Variants in TMED4 observed in about 807,000 individuals in gnomAD.
The protein encoded by TMED4 is transmembrane emp24 domain-containing protein 4.
A neutral mutation model predicts 26.5 loss-of-function variants in TMED4; 19 were observed. The observed-to-expected ratio is 0.72, with a 90% CI of 0.50 to 1.05. TMED4 has a LOEUF of 1.05. TMED4 is among the 50% of genes least tolerant of loss of function. The probability of loss-of-function intolerance (pLI) is 0.00; values close to 1 mark genes in which losing one functional copy is unlikely to be tolerated. For synonymous variants in TMED4, 121 were observed against 119.8 expected (o/e 1.01, Z -0.07); for missense variants, 303 against 302.5 (o/e 1.00, Z -0.01).
Position 44,581,586 on chromosome 7 carries a change from G to A in TMED4, c.262-12C>T. On this transcript the variant is annotated splice_polypyrimidine_tract_variant and intron_variant, in intron 2 of 4. Coordinates refer to ENST00000457408, the MANE Select transcript of TMED4 (RefSeq NM_182547.4). ...CGGGACAGCACCACCTGCAACATAT[G>A]TGAGTGAAGGCCCCACCTTTATACC... 5.6e-6 allele frequency: 9 copies of A among 1,614,176 alleles called. No homozygotes were observed. Among genetic ancestry groups the A allele is most frequent in the Non-Finnish European group, 7.6e-6 (9 of 1,180,034 alleles).
rs370105577 is a variant in TMED4, at chr7:44,582,015, C to G, written c.160+32G>C. The stretch of plus-strand genomic sequence containing the variant: ...GCGCCGCCGAGGGCTGAGCTGGGTA[C>G]AAAGGGCCTCCCCACCCTCAGCCCG... On this transcript the variant is annotated intron_variant, in intron 1 of 4. Transcript: ENST00000457408. 906 of 1,540,100 alleles carry G rather than the reference C, an allele frequency of 5.9e-4. 4 individuals are homozygous for G. The highest frequency in any genetic ancestry group is 4.2e-3 in the South Asian group (354 of 85,172).
intron 2 of TMED4, 74 bp downstream of exon 2, chr7:44,581,649 C>T (rs1015606571): frequency 1.2e-6 from 2 of 1,612,822 alleles, no homozygotes; most frequent in African/African-American, 2.7e-5. Flanking sequence ...CCCTTGAGGC[C>T]TCCTCCAGGC....
chr7:44,582,083 A>G lies in TMED4; in HGVS notation c.124T>C (p.Phe42Leu). The change falls in exon 1 of 5, where the codon TTC becomes CTC. Residue 42 changes from phenylalanine to leucine, a missense_variant. By Grantham distance (22) the Phe-to-Leu change is conservative. Coordinates refer to ENST00000457408, the MANE Select transcript of TMED4 (RefSeq NM_182547.4). ...FHIGETEKRC[F>L]IEEIPDETMV... ...GTCTCGTCGGGGATTTCCTCGATGA[A>G]ACAGCGCTTCTCGGTCTCGCCGATG... The G allele has an allele frequency of 6.4e-7, 1 of 1,567,422 alleles. No homozygotes were observed.
chr7:44,579,376 A>G lies in TMED4; in HGVS notation c.*103T>C. 3 of 1,340,250 alleles carry G rather than the reference A, an allele frequency of 2.2e-6. No individual in the cohort carries two copies. Among genetic ancestry groups the G allele is most frequent in the Non-Finnish European group, 3.1e-6 (3 of 978,146 alleles). The allele number at this position is 1,340,250 out of a possible 1,614,324, so 83.0% of individuals were successfully genotyped here. On this transcript the variant is annotated 3_prime_UTR_variant, in exon 5 of 5. Coordinates refer to ENST00000457408, the MANE Select transcript of TMED4 (RefSeq NM_182547.4). Reference sequence around the variant, plus strand: ...TGTGGCCATGGAACCAATGTGACTTATTCTTTTTCATTTTTTTCCCTAAAA... The same window carrying G: ...TGTGGCCATGGAACCAATGTGACTTGTTCTTTTTCATTTTTTTCCCTAAAA...
In TMED4 at chr7:44,581,728, C is replaced by T. The variant is rs754356895; in HGVS notation, c.256G>A (p.Gly86Ser). Residue 86 changes from glycine to serine, a missense_variant, in exon 2 of 5, where the codon GGC (glycine) becomes AGC (serine). Coordinates refer to ENST00000457408, the MANE Select transcript of TMED4 (RefSeq NM_182547.4). ...TGGGCCAACGCCAGCCTTACCTTGC[C>T]GTCGGGGTCCTTCACTTCCACGTGC... ...GMHVEVKDPD[G>S]KVVLSRQYGS... The T allele has an allele frequency of 1.9e-6, 3 of 1,614,084 alleles. No homozygotes were observed. The highest frequency in any genetic ancestry group is 3.3e-5 in the Admixed American group (2 of 60,016).
rs1218671842 is a variant in TMED4 at position 44,581,766 on chromosome 7, G to A, written c.218C>T (p.Pro73Leu). ...KQKEVFLPST[P>L]GLGMHVEVKD... ...CACTTCCACGTGCATGCCCAGGCCA[G>A]GGGTCGAGGGCAGGAAGACCTCCTT... The change falls in exon 2 of 5, where the codon CCT (proline) becomes CTT (leucine). Residue 73 changes from proline to leucine, a missense_variant. Coordinates refer to ENST00000457408, the MANE Select transcript of TMED4 (RefSeq NM_182547.4). 3.7e-6 allele frequency: 6 copies of A among 1,614,108 alleles called. No individual in the cohort carries two copies. In the East Asian group the frequency reaches 8.9e-5, roughly 24 times the overall value.
Position 44,579,335 on chromosome 7 carries a change from G to T in TMED4, c.*144C>A. On this transcript the variant is annotated 3_prime_UTR_variant, in exon 5 of 5. Transcript: ENST00000457408. ...CCTTAAGAACCAGGGTCAGCAAGTG[G>T]CTGATCTGAATGGTTTGTGGCCATG... 1.2e-6 allele frequency: 1 copy of T among 811,930 alleles called. No homozygotes were observed. Among genetic ancestry groups the T allele is most frequent in the Non-Finnish European group, 1.9e-6 (1 of 533,478 alleles). 50.3% of individuals were successfully genotyped at this position (811,930 alleles called of 1,614,324 possible).
In TMED4 at chr7:44,579,092, G is replaced by A; in HGVS notation, c.*387C>T. 1 of 166,898 alleles carries A rather than the reference G, an allele frequency of 6.0e-6. No individual in the cohort carries two copies. Among genetic ancestry groups the A allele is most frequent in the Non-Finnish European group, 1.3e-5 (1 of 76,702 alleles). The allele number at this position is 166,898 out of a possible 1,614,324, so 10.3% of individuals were successfully genotyped here. A position where few individuals can be genotyped will look rare whatever the true frequency, so the allele number is the denominator to read the frequency against. On this transcript the variant is annotated 3_prime_UTR_variant, in exon 5 of 5. Transcript: ENST00000457408. Reference sequence around the variant, plus strand: ...TGAACCCAGAACTGACCAGCAGACAGTGAGGCAGGGCCTGCTCTGTGGCAC... The same window carrying A: ...TGAACCCAGAACTGACCAGCAGACAATGAGGCAGGGCCTGCTCTGTGGCAC...
In TMED4 at chr7:44,578,532, G is replaced by A. The variant is rs1461347752; in HGVS notation, c.*947C>T. On this transcript the variant is annotated 3_prime_UTR_variant, in exon 5 of 5. Transcript: ENST00000457408. ...CTTGGCCCTCTGATACGGCCTTGAG[G>A]TCAGCCCTGGTGCCTGCTTTCTGGC... The A allele has an allele frequency of 6.6e-5, 10 of 152,104 alleles. No homozygotes were observed. The highest frequency in any genetic ancestry group is 6.6e-4 in the Admixed American group (10 of 15,258). 9.4% of individuals were successfully genotyped at this position (152,104 alleles called of 1,614,324 possible).
rs567950112 is a variant in TMED4, at chr7:44,578,971, T to C, written c.*508A>G. 5 of 151,048 alleles carry C rather than the reference T, an allele frequency of 3.3e-5. No individual in the cohort carries two copies. Among genetic ancestry groups the C allele is most frequent in the Admixed American group, 2.6e-4 (4 of 15,142 alleles). 9.4% of individuals were successfully genotyped at this position (151,048 alleles called of 1,614,324 possible). The stretch of plus-strand genomic sequence containing the variant: ...AACACTTCTACTAGGAAGGAAAATA[T>C]ATAATTTATCCAAAAATAGTTCTAA... On this transcript the variant is annotated 3_prime_UTR_variant, in exon 5 of 5. Coordinates refer to ENST00000457408, the MANE Select transcript of TMED4 (RefSeq NM_182547.4).
chr7:44,581,947 G>A, intron 1 of TMED4, 100 bp downstream of exon 1: 1 of 1,531,748 alleles, frequency 6.5e-7, no homozygotes, highest in Non-Finnish European at 8.8e-7. Flanking sequence ...CTCAGGCTAG[G>A]TACTGGGGGA....
Position 44,579,708 on chromosome 7 carries a change from C to G in TMED4, c.535-80G>C, listed in dbSNP as rs1463101793. On this transcript the variant is annotated intron_variant, in intron 4 of 4. Coordinates refer to ENST00000457408, the MANE Select transcript of TMED4 (RefSeq NM_182547.4). ...AGGTCCCTCCCTGCGTGTAATTACT[C>G]AACTCCAGGACCAAACTCCTTTTGG... 4 of 1,476,290 alleles carry G rather than the reference C, an allele frequency of 2.7e-6. No individual in the cohort carries two copies. The East Asian group carries it at 9.2e-5, about 34-fold the overall frequency. The allele number at this position is 1,476,290 out of a possible 1,614,324, so 91.4% of individuals were successfully genotyped here.
In TMED4 at chr7:44,579,561, G is replaced by C; in HGVS notation, c.602C>G (p.Ala201Gly). The C allele has an allele frequency of 6.2e-7, 1 of 1,614,176 alleles. No homozygotes were observed. Reference sequence around the variant, plus strand: ...AGTGAGGATGAGGATGACAGTCTGAGCAATGGACCACCATAGGACCCTCTG... The same window carrying C: ...AGTGAGGATGAGGATGACAGTCTGACCAATGGACCACCATAGGACCCTCTG... ...TNQRVLWWSI[A>G]QTVILILTGI... Residue 201 changes from alanine (A) to glycine (G), a missense_variant, in exon 5 of 5, where the codon GCT becomes GGT. Ala to Gly is a moderately conservative substitution (Grantham distance 60). Transcript: ENST00000457408.
intron 4 of TMED4, chr7:44,580,846 C>A (rs1022656482): frequency 1.8e-5 from 7 of 396,112 alleles, no homozygotes; most frequent in Non-Finnish European, 2.3e-5. Flanking sequence ...ACTCAGGAGG[C>A]TGAGGCAGGA....
chr7:44,581,675 A>G, intron 2 of TMED4, 48 bp downstream of exon 2: 1 of 1,613,736 alleles, frequency 6.2e-7, no homozygotes, highest in African/African-American at 1.3e-5. Flanking sequence ...TTTACACCCC[A>G]CGGGAGCTCC....
At position 44,581,133 on chromosome 7, in the gene TMED4, T is replaced by G; in HGVS notation, c.494A>C (p.Asp165Ala). ...ELQLRARQLL[D>A]QVEQIQKEQD... ...CTCCTTCTGAATCTGTTCCACCTGA[T>G]CAAGCAACTGGCGGGCGCGGAGCTG... is the stretch of plus-strand genomic sequence containing the variant. The change falls in exon 4 of 5, where the codon GAT becomes GCT. Residue 165 changes from aspartate to alanine, a missense_variant. By Grantham distance (126) the Asp-to-Ala change is moderately radical. Transcript: ENST00000457408. 6.2e-7 allele frequency: 1 copy of G among 1,614,148 alleles called. No individual in the cohort carries two copies. The highest frequency in any genetic ancestry group is 8.5e-7 in the Non-Finnish European group (1 of 1,180,034).
At chr7:44,579,731 T>A (rs1585180266) in intron 4 of TMED4, 103 bp from the exon 5 acceptor site, 5 of 1,277,110 alleles carry the variant, frequency 3.9e-6, no homozygotes, top group Middle Eastern at 3.9e-4. Context: ...AAACTCCTTT[T>A]GGAATACTAT....
Position 44,579,323 on chromosome 7 carries a change from G to T in TMED4, c.*156C>A. 1.4e-6 allele frequency: 1 copy of T among 704,388 alleles called. No homozygotes were observed. Among genetic ancestry groups the T allele is most frequent in the East Asian group, 2.8e-5 (1 of 35,796 alleles). The allele number at this position is 704,388 out of a possible 1,614,324, so 43.6% of individuals were successfully genotyped here. On this transcript the variant is annotated 3_prime_UTR_variant, in exon 5 of 5. Transcript: ENST00000457408. ...AATGTCATGTGTCCTTAAGAACCAGGGTCAGCAAGTGGCTGATCTGAATGG... is the reference window on the plus strand; with the variant it reads ...AATGTCATGTGTCCTTAAGAACCAGTGTCAGCAAGTGGCTGATCTGAATGG...
chr7:44,580,842 G>T, intron 4 of TMED4: 1 of 386,930 alleles, frequency 2.6e-6, no homozygotes, highest in Non-Finnish European at 4.8e-6. Context: ...AGCTACTCAG[G>T]AGGCTGAGGC....
Sources: allele counts gnomAD v4.1 joint callset, GRCh38; gene constraint gnomAD v4.1.1; transcripts MANE v1.5; gene names NCBI Gene and HGNC (gene_info 2026-07-23, HGNC 2026-07-21).